Variants in CDK14 observed in about 807,000 individuals in gnomAD.
CDK14 encodes the protein cyclin-dependent kinase 14.
Under a neutral mutation model 60.7 loss-of-function variants are expected in CDK14, and 34 were observed. The ratio of observed to expected loss-of-function variants is 0.56; its 90% CI spans 0.43 to 0.75. The LOEUF (loss-of-function observed/expected upper bound fraction) is 0.75. Ranked by LOEUF, CDK14 falls within the 30% of genes least tolerant of loss-of-function variation. The pLI is 0.00. For missense variants in CDK14, 482 were observed against 564.1 expected (o/e 0.85, Z 1.47); for synonymous variants, 197 against 203.7 (o/e 0.97, Z 0.28).
chr7:90,743,436 C>A (rs114462036), intron 3 of CDK14, among the ~76,000 whole-genome samples: 91 of 152,134 alleles, frequency 6.0e-4, no homozygotes, highest in African/African-American at 2.1e-3. Context: ...ATCTTTGTGA[C>A]CTAATCTATG....
chr7:90,655,402 G>A (rs903651455), intron 2 of CDK14, among the ~76,000 whole-genome samples: 1 of 151,702 alleles, frequency 6.6e-6, no homozygotes, highest in African/African-American at 2.4e-5. Flanking sequence ...ATGGTCTATC[G>A]GTTTAAAAAA....
At position 91,175,691 on chromosome 7, in the gene CDK14, A is replaced by C. The variant is rs1227873043; in HGVS notation, c.*29-31474A>C. The stretch of plus-strand genomic sequence containing the variant: ...CTGATAAAACAGACTTTAAACCAAC[A>C]AAGATCAAAAGAGACAAAGAAGGCC... On this transcript the variant is annotated intron_variant, in intron 14 of 14. Transcript: ENST00000380050. 7.9e-5 allele frequency among the ~76,000 whole-genome samples: 12 copies of C among 150,982 alleles called. No homozygotes were observed. The East Asian group carries it at 2.3e-3, about 29-fold the overall frequency.
At chr7:90,842,730 G>A (rs1216697250) in intron 5 of CDK14, among the ~76,000 whole-genome samples, 1 of 152,030 alleles carries the variant, frequency 6.6e-6, no homozygotes, top group South Asian at 2.1e-4. Context: ...ATAAAATAAG[G>A]TACTAAATTT....
intron 10 of CDK14, among the ~76,000 whole-genome samples, chr7:91,035,988 C>T (rs1032429263): frequency 1.9e-4 from 29 of 151,962 alleles, no homozygotes; most frequent in African/African-American, 5.1e-4. Context: ...GGACTACAGG[C>T]GCCTGCCACC....
chr7:90,738,976 G>T (rs570866697), intron 3 of CDK14, among the ~76,000 whole-genome samples: 1 of 150,984 alleles, frequency 6.6e-6, no homozygotes, highest in Non-Finnish European at 1.5e-5. Context: ...CTTTATTTAT[G>T]TGTACAGTAA....
chr7:90,858,913 CT>C (rs1562801106), intron 5 of CDK14, among the ~76,000 whole-genome samples: 1 of 152,142 alleles, frequency 6.6e-6, no homozygotes, highest in East Asian at 1.9e-4. Flanking sequence ...ATACTAAACT[CT>C]GTGGTAAATG....
intron 14 of CDK14, among the ~76,000 whole-genome samples, chr7:91,179,532 G>T (rs1801921488): frequency 6.6e-6 from 1 of 151,302 alleles, no homozygotes; most frequent in South Asian, 2.1e-4. Flanking sequence ...GCCCGGCGCA[G>T]TGACTCACGC....
At chr7:91,018,276 T>C (rs1796351786) in intron 10 of CDK14, among the ~76,000 whole-genome samples, 1 of 152,198 alleles carries the variant, frequency 6.6e-6, no homozygotes, top group Non-Finnish European at 1.5e-5. Context: ...CTTCACTTCC[T>C]GACCCTTGTC....
rs879740965 is a variant in CDK14 at position 91,174,208 on chromosome 7, A to G, written c.*29-32957A>G. 7.3e-3 allele frequency among the ~76,000 whole-genome samples: 1,117 copies of G among 152,114 alleles called. 11 individuals carry two copies. Among genetic ancestry groups the G allele is most frequent in the Non-Finnish European group, 9.9e-3 (674 of 67,944 alleles). ...CCCAGCAGGGGCACACTGACACCTC[A>G]CACGGCAGGGTATTCCAACAGACCT... On this transcript the variant is annotated intron_variant, in intron 14 of 14. Transcript: ENST00000380050.
chr7:90,768,228 TTGTAAA>T (rs1331866362), intron 4 of CDK14, among the ~76,000 whole-genome samples: 5 of 152,380 alleles, frequency 3.3e-5, no homozygotes, highest in Non-Finnish European at 7.3e-5. Context: ...ATGTTTATAG[TTGTAAA>T]TGTAATTATT....
rs1795438908 is a variant in CDK14, at chr7:90,988,514, C to T, written c.1041+4273C>T. The stretch of plus-strand genomic sequence containing the variant: ...GTATTCTATTCACCTCCATTAGTTG[C>T]AAAATAAGCAGCAAATGCATTCATC... On this transcript the variant is annotated intron_variant, in intron 10 of 14. Coordinates refer to ENST00000380050, the MANE Select transcript of CDK14 (RefSeq NM_001287135.2). 2.0e-5 allele frequency among the ~76,000 whole-genome samples: 3 copies of T among 152,174 alleles called. No homozygotes were observed. The South Asian group carries it at 6.3e-4, about 32-fold the overall frequency.
intron 9 of CDK14, among the ~76,000 whole-genome samples, chr7:90,962,477 C>A (rs912835062): frequency 2.0e-5 from 3 of 151,500 alleles, no homozygotes; most frequent in Non-Finnish European, 4.4e-5. Flanking sequence ...CAGAGTGAGA[C>A]TCCGTCTCAA....
In CDK14 at chr7:90,888,118, A is replaced by G. The variant is rs542349288; in HGVS notation, c.640-11173A>G. 2.1e-4 allele frequency among the ~76,000 whole-genome samples: 32 copies of G among 152,258 alleles called. No individual in the cohort carries two copies. The South Asian group carries it at 5.0e-3, about 24-fold the overall frequency. On this transcript the variant is annotated intron_variant, in intron 6 of 14. Transcript: ENST00000380050. Reference sequence around the variant, plus strand: ...TGTAATCCCAGCACTTTGGGAGGCCAAGGTGGGCGGATCATGAGGTCAGGA... The same window carrying G: ...TGTAATCCCAGCACTTTGGGAGGCCGAGGTGGGCGGATCATGAGGTCAGGA...
intron 9 of CDK14, among the ~76,000 whole-genome samples, chr7:90,983,820 G>A (rs1795305306): frequency 6.6e-6 from 1 of 152,050 alleles, no homozygotes. Context: ...TAAACATCAG[G>A]TACTCACAAC....
At chr7:90,912,095 G>A (rs1792921365) in intron 7 of CDK14, among the ~76,000 whole-genome samples, 1 of 152,186 alleles carries the variant, frequency 6.6e-6, no homozygotes, top group Non-Finnish European at 1.5e-5. Flanking sequence ...TAAATCTTCA[G>A]TGATCCGACT....
At chr7:90,618,561 T>C (rs369031988) in intron 2 of CDK14, among the ~76,000 whole-genome samples, 1 of 152,276 alleles carries the variant, frequency 6.6e-6, no homozygotes. Context: ...GCCATCTTTG[T>C]ACCAGACATA....
intron 2 of CDK14, among the ~76,000 whole-genome samples, chr7:90,617,133 A>G (rs1005821604): frequency 6.6e-6 from 1 of 152,196 alleles, no homozygotes; most frequent in Non-Finnish European, 1.5e-5. Flanking sequence ...TTGTATGTAG[A>G]GTATGATCTC....
intron 5 of CDK14, among the ~76,000 whole-genome samples, chr7:90,814,968 C>T (rs2117056875): frequency 6.6e-6 from 1 of 152,328 alleles, no homozygotes; most frequent in South Asian, 2.1e-4. Flanking sequence ...CCTTCAAGGT[C>T]ATGTTAGTGC....
intron 11 of CDK14, among the ~76,000 whole-genome samples, chr7:91,047,128 A>G (rs116790081): frequency 3.4e-4 from 52 of 152,288 alleles, no homozygotes; most frequent in African/African-American, 1.2e-3. Context: ...TAACTGATCC[A>G]CGTGTTCTTA....
Sources: allele counts gnomAD v4.1 joint callset (sites outside exome capture counted in the v4.1 genomes callset), GRCh38; gene constraint gnomAD v4.1.1; transcripts MANE v1.5; gene names NCBI Gene and HGNC (gene_info 2026-07-23, HGNC 2026-07-21).